ACAP2: variants seen among roughly 807,000 people sequenced by gnomAD.
ACAP2 encodes the protein arf-GAP with coiled-coil, ANK repeat and PH domain-containing protein 2.
Under a neutral mutation model 115.8 loss-of-function variants are expected in ACAP2, and 39 were observed. The ratio of observed to expected loss-of-function variants is 0.34; its 90% CI spans 0.26 to 0.44. The LOEUF (loss-of-function observed/expected upper bound fraction) is 0.44, where lower values mean the gene tolerates loss of function less well. Among genes scored for constraint, ACAP2 ranks in the 20% least tolerant of loss-of-function variants. The probability of loss-of-function intolerance (pLI) is 1.00; values close to 1 mark genes in which losing one functional copy is unlikely to be tolerated. For missense variants in ACAP2, 662 were observed against 927.6 expected (o/e 0.71, Z 3.72); for synonymous variants, 289 against 315.8 (o/e 0.92, Z 0.90).
At chr3:195,424,289 T>G (rs1190379149) in intron 1 of ACAP2, among the ~76,000 whole-genome samples, 1 of 37,918 alleles carries the variant, frequency 2.6e-5, no homozygotes, top group Non-Finnish European at 4.7e-5. Context: ...ATATATTTTT[T>G]TTTTTTTTTT....
Position 195,289,085 on chromosome 3 carries a change from T to A in ACAP2, c.2174+36A>T, listed in dbSNP as rs762844064. 23 of 1,529,240 alleles carry A rather than the reference T, an allele frequency of 1.5e-5. No individual in the cohort carries two copies. The Middle Eastern group carries it at 1.2e-3, about 79-fold the overall frequency. The allele number at this position is 1,529,240 out of a possible 1,614,324, so 94.7% of individuals were successfully genotyped here. The stretch of plus-strand genomic sequence containing the variant: ...TAACCGAGGGACAACTGTAATTCAC[T>A]GTATGGAAATAGTCAAGTAAAAAGG... On this transcript the variant is annotated intron_variant, in intron 21 of 22. Transcript: ENST00000326793.
chr3:195,380,969 G>A (rs1489880317), intron 4 of ACAP2, 40 bp downstream of exon 4: 1 of 1,512,736 alleles, frequency 6.6e-7, no homozygotes, highest in Non-Finnish European at 9.0e-7. Flanking sequence ...ATACTAAAAT[G>A]TTAATATGGT....
chr3:195,334,542 C>G (rs189034794), intron 7 of ACAP2, among the ~76,000 whole-genome samples: 30 of 152,154 alleles, frequency 2.0e-4, no homozygotes, highest in Admixed American at 1.8e-3. Flanking sequence ...AAAAGATGAA[C>G]ACTCCAACAG....
chr3:195,362,265 G>A (rs993202241), intron 4 of ACAP2, among the ~76,000 whole-genome samples: 1 of 149,172 alleles, frequency 6.7e-6, no homozygotes, highest in Non-Finnish European at 1.5e-5. Flanking sequence ...GCAGTGAGCC[G>A]AGATTGCGCC....
At chr3:195,355,791 C>T (rs947848921) in intron 4 of ACAP2, among the ~76,000 whole-genome samples, 1 of 152,190 alleles carries the variant, frequency 6.6e-6, no homozygotes, top group African/African-American at 2.4e-5. Flanking sequence ...AGCATTATCC[C>T]CATTTCCAGT....
In ACAP2 at chr3:195,378,119, GAA is replaced by G. The variant is rs1319891366; in HGVS notation, c.285+2888_285+2889del. Reference sequence around the variant, plus strand: ...GAGGAAGGGAGGAAGGAAGGAGAGAGAAAGAAAGTGAGAAAAGTGGAATCTGC... The same window carrying G: ...GAGGAAGGGAGGAAGGAAGGAGAGAGAGAAAGTGAGAAAAGTGGAATCTGC... On this transcript the variant is annotated intron_variant, in intron 4 of 22. Transcript: ENST00000326793. Among the ~76,000 whole-genome samples, 26 of 135,336 alleles carry G rather than the reference GAA, an allele frequency of 1.9e-4. 1 individual carries two copies. Among genetic ancestry groups the G allele is most frequent in the African/African-American group, 7.2e-4 (22 of 30,518 alleles). 88.8% of individuals were successfully genotyped at this position (135,336 alleles called of 152,430 possible).
chr3:195,438,491 A>G (rs1715752680), intron 1 of ACAP2, among the ~76,000 whole-genome samples: 1 of 152,182 alleles, frequency 6.6e-6, no homozygotes, highest in African/African-American at 2.4e-5. Flanking sequence ...AGGAGACAAG[A>G]TTGGCACCAA....
chr3:195,316,299 AT>A (rs571380561), intron 10 of ACAP2, among the ~76,000 whole-genome samples: 16 of 152,070 alleles, frequency 1.1e-4, no homozygotes, highest in Admixed American at 9.2e-4. Flanking sequence ...AGAAAATGTA[AT>A]TTTAAGTTTT....
chr3:195,351,688 T>C (rs548223644), intron 4 of ACAP2, among the ~76,000 whole-genome samples: 1 of 146,778 alleles, frequency 6.8e-6, no homozygotes, highest in African/African-American at 2.5e-5. Flanking sequence ...ATGGTCTGGA[T>C]CTCCTGATCC....
intron 1 of ACAP2, among the ~76,000 whole-genome samples, chr3:195,434,615 G>A (rs1195330502): frequency 6.6e-6 from 1 of 152,206 alleles, no homozygotes; most frequent in African/African-American, 2.4e-5. Flanking sequence ...GAATCTCGAT[G>A]CTTTGAAAAG....
chr3:195,432,176 G>T (rs1715179972), intron 1 of ACAP2, among the ~76,000 whole-genome samples: 1 of 152,174 alleles, frequency 6.6e-6, no homozygotes, highest in African/African-American at 2.4e-5. Context: ...TTTGAAGCAT[G>T]AAAGTTTTTA....
In ACAP2 at chr3:195,424,240, GT is replaced by G. The variant is rs1433732158; in HGVS notation, c.53+18554del. The stretch of plus-strand genomic sequence containing the variant: ...AATGGTCATATGTGTGTGTGTGTGT[GT>G]GTGGTGTGTGTGTGTGTGTGTATAT... On this transcript the variant is annotated intron_variant, in intron 1 of 22. Transcript: ENST00000326793. Among the ~76,000 whole-genome samples the G allele has an allele frequency of 2.6e-3, 253 of 98,038 alleles. 1 individual carries two copies. Among genetic ancestry groups the G allele is most frequent in the African/African-American group, 5.6e-3 (145 of 25,748 alleles). 64.3% of individuals were successfully genotyped at this position (98,038 alleles called of 152,430 possible). A position where few individuals can be genotyped will look rare whatever the true frequency, so the allele number is the denominator to read the frequency against.
chr3:195,320,830 A>G lies in ACAP2; in HGVS notation c.745-17T>C, dbSNP rs1249084000. On this transcript the variant is annotated splice_polypyrimidine_tract_variant and intron_variant, in intron 9 of 22. Coordinates refer to ENST00000326793, the MANE Select transcript of ACAP2 (RefSeq NM_012287.6). ...GGAGAAATCCTACACAAAATAACACATAAAGAAGTTCATATGACTTGACTA... is the reference window on the plus strand; with the variant it reads ...GGAGAAATCCTACACAAAATAACACGTAAAGAAGTTCATATGACTTGACTA... 1.9e-6 allele frequency: 3 copies of G among 1,564,630 alleles called. No individual in the cohort carries two copies. The highest frequency in any genetic ancestry group is 2.6e-6 in the Non-Finnish European group (3 of 1,137,566).
At chr3:195,372,331 C>T (rs748581049) in intron 4 of ACAP2, among the ~76,000 whole-genome samples, 7 of 152,130 alleles carry the variant, frequency 4.6e-5, no homozygotes, top group Non-Finnish European at 1.0e-4. Context: ...ACTAATGCTA[C>T]TCTATCAAAA....
rs113021515 is a variant in ACAP2, at chr3:195,421,696, G to A, written c.53+21099C>T. Reference sequence around the variant, plus strand: ...GTGGTGGTTTGAATTAAACAGTTTTGTAATTTGTACGGAAGTTTTCTATTG... The same window carrying A: ...GTGGTGGTTTGAATTAAACAGTTTTATAATTTGTACGGAAGTTTTCTATTG... On this transcript the variant is annotated intron_variant, in intron 1 of 22. Transcript: ENST00000326793. Among the ~76,000 whole-genome samples, 111 of 152,270 alleles carry A rather than the reference G, an allele frequency of 7.3e-4. 1 individual carries two copies. Among genetic ancestry groups the A allele is most frequent in the African/African-American group, 2.5e-3 (105 of 41,566 alleles).
intron 7 of ACAP2, among the ~76,000 whole-genome samples, chr3:195,334,572 A>T (rs1482266057): frequency 6.6e-6 from 1 of 152,178 alleles, no homozygotes; most frequent in Non-Finnish European, 1.5e-5. Context: ...CAAAGGACAT[A>T]TGAGGTACAT....
intron 4 of ACAP2, among the ~76,000 whole-genome samples, chr3:195,368,990 G>A (rs1033574759): frequency 2.0e-5 from 3 of 151,910 alleles, no homozygotes; most frequent in African/African-American, 7.3e-5. Context: ...GGGCTGAGGC[G>A]GGAGAATCAC....
intron 1 of ACAP2, among the ~76,000 whole-genome samples, chr3:195,404,650 T>C (rs903699916): frequency 6.6e-6 from 1 of 151,246 alleles, no homozygotes; most frequent in South Asian, 2.1e-4. Context: ...AAAAGTTATA[T>C]TGCCATATAT....
intron 1 of ACAP2, among the ~76,000 whole-genome samples, chr3:195,414,670 C>A (rs1356180894): frequency 1.3e-5 from 2 of 152,142 alleles, no homozygotes; most frequent in African/African-American, 4.8e-5. Context: ...CAAAATGCTA[C>A]AAAATCTGAG....
Sources: gnomAD v4.1 joint callset for allele counts (sites outside exome capture counted in the v4.1 genomes callset) on GRCh38, gnomAD v4.1.1 for gene constraint, MANE v1.5 for transcripts, NCBI Gene and HGNC (gene_info 2026-07-23, HGNC 2026-07-21) for gene names.